The following CDYL variants were observed in gnomAD, a reference collection of about 807,000 sequenced individuals.
CDYL encodes chromodomain Y-like protein.
A neutral mutation model predicts 47.3 loss-of-function variants in CDYL; 8 were observed. The ratio of observed to expected loss-of-function variants is 0.17; its 90% CI spans 0.10 to 0.31. The LOEUF is 0.31. Among genes scored for constraint, CDYL ranks in the 10% least tolerant of loss-of-function variants. CDYL has a pLI of 1.00. For missense variants in CDYL, 471 were observed against 701.4 expected, an observed-to-expected ratio of 0.67 and a Z score of 3.71; for synonymous variants, 266 against 265.0, an observed-to-expected ratio of 1.00 and a Z score of -0.04.
At chr6:4,880,331 G>C (rs1761730945) in intron 1 of CDYL, among the ~76,000 whole-genome samples, 1 of 152,030 alleles carries the variant, frequency 6.6e-6, no homozygotes, top group South Asian at 2.1e-4. Flanking sequence ...TATGTTTAAG[G>C]TTCCTCTGTG....
chr6:4,723,594 A>G (rs1292912687), intron 2 of CDYL, among the ~76,000 whole-genome samples: 1 of 152,138 alleles, frequency 6.6e-6, no homozygotes, highest in East Asian at 1.9e-4. Flanking sequence ...AGGAGGCGGC[A>G]AGCCCTCCCC....
intron 1 of CDYL, among the ~76,000 whole-genome samples, chr6:4,851,160 A>C (rs969168696): frequency 1.3e-5 from 2 of 152,174 alleles, no homozygotes; most frequent in African/African-American, 4.8e-5. Context: ...GAAAGTAGTA[A>C]TCTGGGTCTT....
intron 2 of CDYL, among the ~76,000 whole-genome samples, chr6:4,910,860 GTC>G (rs1266543597): frequency 1.3e-5 from 2 of 151,178 alleles, no homozygotes; most frequent in Non-Finnish European, 2.9e-5. Flanking sequence ...CCAAGACGGA[GTC>G]TCTCTCTGTC....
intron 2 of CDYL, among the ~76,000 whole-genome samples, chr6:4,934,907 G>A (rs532751347): frequency 1.2e-4 from 19 of 152,196 alleles, no homozygotes; most frequent in Admixed American, 7.9e-4. Context: ...TGCTTAACAG[G>A]GCTGTTTGAA....
intron 3 of CDYL, among the ~76,000 whole-genome samples, chr6:4,747,190 C>T (rs1757913638): frequency 6.6e-6 from 1 of 151,640 alleles, no homozygotes; most frequent in Non-Finnish European, 1.5e-5. Context: ...ACCTGTAATC[C>T]CAGCTACTCA....
intron 1 of CDYL, among the ~76,000 whole-genome samples, chr6:4,883,423 C>T (rs1232705223): frequency 6.6e-6 from 1 of 152,074 alleles, no homozygotes; most frequent in Non-Finnish European, 1.5e-5. Flanking sequence ...TTCCTTTGAC[C>T]CATGCGGAGA....
intron 1 of CDYL, among the ~76,000 whole-genome samples, chr6:4,863,686 A>G (rs1427657425): frequency 2.6e-5 from 4 of 152,224 alleles, no homozygotes; most frequent in African/African-American, 9.6e-5. Context: ...AAGAAAATAA[A>G]TATCCTTTTG....
chr6:4,765,628 A>G (rs1758241027), intron 3 of CDYL, among the ~76,000 whole-genome samples: 3 of 151,830 alleles, frequency 2.0e-5, no homozygotes, highest in Non-Finnish European at 4.4e-5. Context: ...CAGTGGCACA[A>G]TCTCAGCTCT....
intron 1 of CDYL, among the ~76,000 whole-genome samples, chr6:4,853,426 G>A (rs1000853446): frequency 2.0e-5 from 3 of 152,090 alleles, no homozygotes; most frequent in African/African-American, 4.8e-5. Flanking sequence ...TTCCAACTGC[G>A]GAACCTCCAA....
intron 3 of CDYL, among the ~76,000 whole-genome samples, chr6:4,763,680 C>T (rs999193751): frequency 6.6e-6 from 1 of 152,114 alleles, no homozygotes; most frequent in African/African-American, 2.4e-5. Context: ...CGGTGGCTTA[C>T]ATCTGTAGTC....
chr6:4,884,193 G>A (rs932195805), intron 1 of CDYL, among the ~76,000 whole-genome samples: 4 of 152,202 alleles, frequency 2.6e-5, no homozygotes, highest in East Asian at 1.9e-4. Flanking sequence ...TGTATTATCC[G>A]TGTCAGTGGC....
intron 2 of CDYL, among the ~76,000 whole-genome samples, chr6:4,895,266 C>CAT (rs1340343155): frequency 4.9e-5 from 1 of 20,606 alleles, no homozygotes; most frequent in African/African-American, 1.0e-4. Context: ...TGCATGTATA[C>CAT]ATGTATGTAT....
At chr6:4,777,943 A>G (rs1561846033) in intron 1 of CDYL, among the ~76,000 whole-genome samples, 1 of 152,180 alleles carries the variant, frequency 6.6e-6, no homozygotes, top group African/African-American at 2.4e-5. Context: ...TTCTCCTTAC[A>G]TTGTATGTGG....
At chr6:4,740,086 TGTGAAATTACGAAGGAGA>T (rs1757770496) in intron 3 of CDYL, among the ~76,000 whole-genome samples, 1 of 152,220 alleles carries the variant, frequency 6.6e-6, no homozygotes, top group African/African-American at 2.4e-5. Context: ...AAGCAGTACA[TGTGAAATTACGAAGGAGA>T]GTGTCTGACT....
In CDYL at chr6:4,954,556, A is replaced by T. The variant is rs1212974836; in HGVS notation, c.*500A>T. The T allele has an allele frequency of 6.5e-6, 1 of 152,690 alleles. No homozygotes were observed. Among genetic ancestry groups the T allele is most frequent in the Admixed American group, 6.5e-5 (1 of 15,284 alleles). 9.5% of individuals were successfully genotyped at this position (152,690 alleles called of 1,614,324 possible). A position where few individuals can be genotyped will look rare whatever the true frequency, so the allele number is the denominator to read the frequency against. On this transcript the variant is annotated 3_prime_UTR_variant, in exon 7 of 7. Coordinates refer to ENST00000397588, the MANE Select transcript of CDYL (RefSeq NM_004824.4). Reference sequence around the variant, plus strand: ...TGGCTTTTTCTCCAAGAAGGTACAGATACCTCAGATTCGGGAAACTCAAAA... The same window carrying T: ...TGGCTTTTTCTCCAAGAAGGTACAGTTACCTCAGATTCGGGAAACTCAAAA...
chr6:4,900,050 A>C (rs1756974166), intron 2 of CDYL, among the ~76,000 whole-genome samples: 1 of 152,220 alleles, frequency 6.6e-6, no homozygotes, highest in Admixed American at 6.5e-5. Flanking sequence ...ACATTTTTGC[A>C]CAAGTAATTT....
intron 1 of CDYL, among the ~76,000 whole-genome samples, chr6:4,884,580 C>T (rs536087742): frequency 2.6e-5 from 4 of 152,214 alleles, no homozygotes; most frequent in African/African-American, 7.2e-5. Context: ...AGAGAGTGAG[C>T]GCATTTGTGG....
chr6:4,761,265 G>A (rs559284400), intron 3 of CDYL, among the ~76,000 whole-genome samples: 2 of 152,136 alleles, frequency 1.3e-5, no homozygotes, highest in South Asian at 2.1e-4. Context: ...GCTGTATCTC[G>A]AGGGATAATT....
chr6:4,951,534 A>G (rs1224043643), intron 5 of CDYL, among the ~76,000 whole-genome samples: 1 of 151,974 alleles, frequency 6.6e-6, no homozygotes, highest in Non-Finnish European at 1.5e-5. Flanking sequence ...TATTCTTTTA[A>G]AGAAAACCTA....
Sources: gnomAD v4.1 joint callset for allele counts (sites outside exome capture counted in the v4.1 genomes callset) on GRCh38, gnomAD v4.1.1 for gene constraint, MANE v1.5 for transcripts, NCBI Gene and HGNC (gene_info 2026-07-23, HGNC 2026-07-21) for gene names.